ALDH3B2: variants seen among roughly 807,000 people sequenced by gnomAD.
ALDH3B2 encodes aldehyde dehydrogenase family 3 member B2.
In ALDH3B2, 45 loss-of-function variants were observed where a neutral mutation model predicts 36.7. That is an observed-to-expected ratio of 1.23 (90% CI 0.97 to 1.57). The LOEUF is 1.57. Ranked by LOEUF, ALDH3B2 falls within the 40% of genes most tolerant of loss-of-function variation. The pLI is 0.00. For synonymous variants in ALDH3B2, 217 were observed against 226.5 expected (o/e 0.96, Z 0.38); for missense variants, 464 against 513.3 (o/e 0.90, Z 0.93).
chr11:67,673,979 C>A (rs896162229), intron 1 of ALDH3B2, among the ~76,000 whole-genome samples: 1 of 152,214 alleles, frequency 6.6e-6, no homozygotes, highest in Non-Finnish European at 1.5e-5. Context: ...CTTTTAACAT[C>A]TGAAACCAAA....
At chr11:67,670,790 C>T (rs1392664786) in intron 1 of ALDH3B2, among the ~76,000 whole-genome samples, 1 of 152,202 alleles carries the variant, frequency 6.6e-6, no homozygotes, top group African/African-American at 2.4e-5. Context: ...CACAGGACCC[C>T]CACACTCAGT....
In ALDH3B2 at chr11:67,667,475, T is replaced by C. The variant is rs1353730265; in HGVS notation, c.-84A>G. 6 of 376,994 alleles carry C rather than the reference T, an allele frequency of 1.6e-5. No homozygotes were observed. The South Asian group carries it at 4.8e-4, about 30-fold the overall frequency. The allele number at this position is 376,994 out of a possible 1,614,324, so 23.4% of individuals were successfully genotyped here. ...GGGGCCCACTCTCCACGGCCCACCT[T>C]ATGCAGGTCCTGGGCCAGCACGTCG... On this transcript the variant is annotated splice_region_variant and 5_prime_UTR_variant, in exon 2 of 10. It adds an upstream start codon to the 5' untranslated region. Coordinates refer to ENST00000349015, the Ensembl canonical transcript of ALDH3B2.
exon 4 of ALDH3B2, chr11:67,666,578 G>A (rs774105344): frequency 5.0e-6 from 8 of 1,613,864 alleles, no homozygotes; most frequent in East Asian, 2.2e-5. Flanking sequence ...CCTCACCTGC[G>A]GCGAGGGCGC....
At chr11:67,662,523 T>C (rs1855773094) in exon 10 of ALDH3B2, 1 of 152,644 alleles carries the variant, frequency 6.6e-6, no homozygotes, top group African/African-American at 2.4e-5. Context: ...CCCGACTCCA[T>C]TTTATTAGAG....
At position 67,665,185 on chromosome 11, in the gene ALDH3B2, C is replaced by T. The variant is rs151083560; in HGVS notation, c.706+100G>A. On this transcript the variant is annotated intron_variant, in intron 7 of 9. Coordinates refer to ENST00000349015, the Ensembl canonical transcript of ALDH3B2. ...CAAGGCCGGGCTCTGATAGTGGGGC[C>T]GGGTTTCAGGTGCGAGTCCAGACTC... 11,647 of 1,510,520 alleles carry T rather than the reference C, an allele frequency of 7.7e-3. 57 individuals are homozygous for T. The highest frequency in any genetic ancestry group is 9.4e-3 in the Non-Finnish European group (10,600 of 1,129,888). 93.6% of individuals were successfully genotyped at this position (1,510,520 alleles called of 1,614,324 possible).
chr11:67,664,738 C>A (rs545982550), intron 7 of ALDH3B2, among the ~76,000 whole-genome samples, 176 bp from the exon 8 acceptor site: 1 of 152,162 alleles, frequency 6.6e-6, no homozygotes, highest in East Asian at 1.9e-4. Context: ...CACAGCCCCC[C>A]AGAAGGGACC....
intron 6 of ALDH3B2, 92 bp downstream of exon 6, chr11:67,666,030 G>T: frequency 6.7e-7 from 1 of 1,488,840 alleles, no homozygotes. Context: ...TGCCCCCACT[G>T]CTGGCCCCAG....
rs376834519 is a variant in ALDH3B2, at chr11:67,667,784, C to T, written c.-244-149G>A. The T allele has an allele frequency of 2.2e-4, 44 of 201,450 alleles. No individual in the cohort carries two copies. The East Asian group carries it at 3.8e-3, about 17-fold the overall frequency. The allele number at this position is 201,450 out of a possible 1,614,324, so 12.5% of individuals were successfully genotyped here. ...CACCTCATACACACACAGACCCACTCGAATGACCCCACGGGGCTGGGGCTG... is the reference window on the plus strand; with the variant it reads ...CACCTCATACACACACAGACCCACTTGAATGACCCCACGGGGCTGGGGCTG... On this transcript the variant is annotated intron_variant, in intron 1 of 9. Transcript: ENST00000349015.
At chr11:67,666,944 GC>G in exon 3 of ALDH3B2, 1 of 1,614,166 alleles carries the variant, frequency 6.2e-7, no homozygotes, top group Non-Finnish European at 8.5e-7. Context: ...ATCCAGGCCT[GC>G]AGGTTCTTGA....
At chr11:67,676,575 C>A (rs990508815), upstream of ALDH3B2, among the ~76,000 whole-genome samples, 1 of 151,484 alleles carries the variant, frequency 6.6e-6, no homozygotes, top group Non-Finnish European at 1.5e-5. Context: ...AAACCCAAAC[C>A]AAGCAGAAGA....
chr11:67,679,696 G>A (rs188886207), upstream of ALDH3B2, among the ~76,000 whole-genome samples: 564 of 147,280 alleles, frequency 3.8e-3, 6 homozygotes, highest in African/African-American at 0.013. Context: ...GGAGAATGGC[G>A]TGAAAAAAAA....
chr11:67,671,836 C>T (rs560508577), intron 1 of ALDH3B2, among the ~76,000 whole-genome samples: 38 of 150,950 alleles, frequency 2.5e-4, no homozygotes, highest in Admixed American at 1.4e-3. Flanking sequence ...AGCCACCGTG[C>T]GGGCCCCTGC....
exon 8 of ALDH3B2, chr11:67,664,509 TCTC>T: frequency 6.2e-7 from 1 of 1,613,810 alleles, no homozygotes; most frequent in South Asian, 1.1e-5. Flanking sequence ...GGCCCGAAGA[TCTC>T]CTCCTGCATC....
At chr11:67,662,288 T>C (rs1246122287) in exon 10 of ALDH3B2, 2 of 152,358 alleles carry the variant, frequency 1.3e-5, no homozygotes, top group East Asian at 1.9e-4. Context: ...CAGAAGTCCA[T>C]GTAAGCAGCT....
exon 7 of ALDH3B2, chr11:67,665,367 T>A: frequency 6.2e-7 from 1 of 1,613,784 alleles, no homozygotes; most frequent in Non-Finnish European, 8.5e-7. Flanking sequence ...GCTGGAACTG[T>A]TTCTGGTTGA....
chr11:67,664,511 T>C (rs1394189698), exon 8 of ALDH3B2: 2 of 1,613,924 alleles, frequency 1.2e-6, no homozygotes. Context: ...CCCGAAGATC[T>C]CCTCCTGCAT....
chr11:67,664,555 C>G lies in ALDH3B2; in HGVS notation c.714G>C (p.Thr238=), dbSNP rs199694589. The change falls in exon 8 of 10, where the codon ACG becomes ACC. Residue 238 remains threonine (T), a synonymous_variant. Coordinates refer to ENST00000349015, the Ensembl canonical transcript of ALDH3B2. ...CCGTCTCCTGCACGTCCACCAGCAC[C>G]GTGGGGGCTGCGGGCACCAGAGACG... 2.0e-5 allele frequency: 32 copies of G among 1,613,314 alleles called. No homozygotes were observed. The African/African-American group carries it at 3.5e-4, about 17-fold the overall frequency.
upstream of ALDH3B2, among the ~76,000 whole-genome samples, chr11:67,675,860 C>CTGTTT (rs376706403): frequency 5.5e-3 from 845 of 152,296 alleles, 10 homozygotes; most frequent in African/African-American, 0.02. Context: ...TCTCAATAAG[C>CTGTTT]TGTTTTGTTT....
At chr11:67,667,908 A>AC (rs1176437126) in intron 1 of ALDH3B2, 1 of 153,566 alleles carries the variant, frequency 6.5e-6, no homozygotes, top group Non-Finnish European at 1.4e-5. Flanking sequence ...CCCCTCCTGG[A>AC]CGCCCACCCT....
Sources: allele counts gnomAD v4.1 joint callset (sites outside exome capture counted in the v4.1 genomes callset), GRCh38; gene constraint gnomAD v4.1.1; transcripts MANE v1.5; gene names NCBI Gene and HGNC (gene_info 2026-07-23, HGNC 2026-07-21).